Variants in MGAT4C observed in about 807,000 individuals in gnomAD.
MGAT4C encodes the protein alpha-1,3-mannosyl-glycoprotein 4-beta-N-acetylglucosaminyltransferase C.
MGAT4C carries 19 observed loss-of-function variants against 40.1 expected under a neutral mutation model. The observed-to-expected ratio is 0.47, with a 90% CI of 0.33 to 0.70. MGAT4C has a LOEUF of 0.70. MGAT4C is among the 30% of genes least tolerant of loss of function. MGAT4C has a pLI of 0.02. For missense variants in MGAT4C, 491 were observed against 563.2 expected, an observed-to-expected ratio of 0.87 and a Z score of 1.30; for synonymous variants, 181 against 187.1, an observed-to-expected ratio of 0.97 and a Z score of 0.27.
At chr12:86,445,283 T>G (rs1391560146) in intron 2 of MGAT4C, among the ~76,000 whole-genome samples, 1 of 152,190 alleles carries the variant, frequency 6.6e-6, no homozygotes, top group East Asian at 1.9e-4. Flanking sequence ...GGCAAAAATA[T>G]TTGTTCAAAA....
chr12:86,226,762 ACTC>A (rs1203874378), intron 1 of MGAT4C, among the ~76,000 whole-genome samples: 3 of 151,194 alleles, frequency 2.0e-5, no homozygotes, highest in African/African-American at 4.9e-5. Context: ...TTACAGTTGG[ACTC>A]CTCCTTTCTT....
At chr12:85,993,186 C>G (rs1380114685) in intron 2 of MGAT4C, among the ~76,000 whole-genome samples, 4 of 152,164 alleles carry the variant, frequency 2.6e-5, no homozygotes, top group Non-Finnish European at 4.4e-5. Flanking sequence ...ATTGAGCTCT[C>G]CTGGAAGGAT....
intron 1 of MGAT4C, among the ~76,000 whole-genome samples, chr12:86,232,533 C>T (rs1951364566): frequency 6.6e-6 from 1 of 152,144 alleles, no homozygotes; most frequent in Non-Finnish European, 1.5e-5. Context: ...TTCTCTCTCA[C>T]CTTCAGTAAT....
At chr12:86,237,975 A>G (rs1016229825) in intron 1 of MGAT4C, among the ~76,000 whole-genome samples, 2 of 152,004 alleles carry the variant, frequency 1.3e-5, no homozygotes, top group Non-Finnish European at 2.9e-5. Context: ...AATACATGGC[A>G]TTATTTTTGA....
intron 1 of MGAT4C, among the ~76,000 whole-genome samples, chr12:86,188,878 G>A (rs1889063475): frequency 6.6e-6 from 1 of 151,828 alleles, no homozygotes; most frequent in Non-Finnish European, 1.5e-5. Flanking sequence ...TATAAATTTA[G>A]TAAATGCTAC....
chr12:85,979,328 T>C lies in MGAT4C; in HGVS notation c.1398A>G (p.Glu466=), dbSNP rs778149917. 1.2e-6 allele frequency: 2 copies of C among 1,608,252 alleles called. No individual in the cohort carries two copies. The highest frequency in any genetic ancestry group is 1.7e-5 in the Admixed American group (1 of 59,514). Residue 466 remains glutamate (E), a synonymous_variant, in exon 5 of 5, where the codon GAA becomes GAG. Coordinates refer to ENST00000611864, the MANE Select transcript of MGAT4C (RefSeq NM_001351288.2). The stretch of plus-strand genomic sequence containing the variant: ...TGCTAATACTCCTAATAATTAGCCA[T>C]TCCTTTTGTGTTTTGGTGACATATA... ...MRIYVTKTQK[E]WLIIRSISIW... is the part of the protein sequence containing the mutation.
chr12:86,418,753 A>G (rs1205009853), intron 3 of MGAT4C, among the ~76,000 whole-genome samples: 1 of 152,094 alleles, frequency 6.6e-6, no homozygotes, highest in Non-Finnish European at 1.5e-5. Flanking sequence ...CAATAAGGAG[A>G]AACAAAGTTT....
chr12:86,382,359 G>A (rs536114386), intron 3 of MGAT4C, among the ~76,000 whole-genome samples: 1 of 152,312 alleles, frequency 6.6e-6, no homozygotes, highest in East Asian at 1.9e-4. Context: ...GTATCTGGCA[G>A]AAGAAATTTC....
intron 1 of MGAT4C, among the ~76,000 whole-genome samples, chr12:86,084,940 A>G (rs1164355681): frequency 6.6e-6 from 1 of 152,018 alleles, no homozygotes; most frequent in African/African-American, 2.4e-5. Flanking sequence ...AGTAACGAAA[A>G]TAGTAAGAGA....
intron 2 of MGAT4C, among the ~76,000 whole-genome samples, chr12:86,439,442 A>G (rs551381497): frequency 1.2e-3 from 177 of 152,194 alleles, no homozygotes; most frequent in Admixed American, 2.0e-3. Context: ...TAACAGTGAC[A>G]CAAGTTATCA....
intron 2 of MGAT4C, among the ~76,000 whole-genome samples, chr12:86,603,333 A>G (rs1272284855): frequency 7.3e-6 from 1 of 137,428 alleles, no homozygotes; most frequent in Admixed American, 7.9e-5. Flanking sequence ...AAAATTATAT[A>G]GTATAGTATA....
At chr12:86,128,027 G>A (rs555084846) in intron 1 of MGAT4C, among the ~76,000 whole-genome samples, 1 of 152,154 alleles carries the variant, frequency 6.6e-6, no homozygotes, top group Non-Finnish European at 1.5e-5. Flanking sequence ...GCATTATCAA[G>A]TATTCTGCAC....
intron 1 of MGAT4C, among the ~76,000 whole-genome samples, chr12:86,149,039 T>C (rs942657430): frequency 1.3e-5 from 2 of 152,182 alleles, no homozygotes; most frequent in African/African-American, 4.8e-5. Context: ...ACATTTTAAG[T>C]TCTTATTTCT....
intron 2 of MGAT4C, among the ~76,000 whole-genome samples, chr12:86,032,493 T>C (rs1276371704): frequency 2.0e-5 from 3 of 149,888 alleles, no homozygotes; most frequent in African/African-American, 7.3e-5. Context: ...GTGAGGTTGA[T>C]TTGCATTTCT....
At chr12:86,470,529 T>C (rs376046126) in intron 2 of MGAT4C, among the ~76,000 whole-genome samples, 1 of 151,836 alleles carries the variant, frequency 6.6e-6, no homozygotes, top group East Asian at 1.9e-4. Context: ...GAGAAATGAA[T>C]CTCTAATGTG....
At chr12:86,223,362 G>A (rs1277102606) in intron 1 of MGAT4C, among the ~76,000 whole-genome samples, 1 of 152,190 alleles carries the variant, frequency 6.6e-6, no homozygotes, top group Non-Finnish European at 1.5e-5. Context: ...CCTGGGGCTA[G>A]TGCAGATGCT....
intron 2 of MGAT4C, among the ~76,000 whole-genome samples, chr12:86,528,462 C>G (rs746416869): frequency 4.7e-4 from 71 of 151,950 alleles, no homozygotes; most frequent in Non-Finnish European, 8.5e-4. Flanking sequence ...TATCTTTCTT[C>G]TTCCTATGTA....
intron 1 of MGAT4C, among the ~76,000 whole-genome samples, chr12:86,190,759 T>C (rs1290713462): frequency 2.0e-5 from 3 of 152,100 alleles, no homozygotes; most frequent in African/African-American, 2.4e-5. Flanking sequence ...GATGTGAAGA[T>C]ATTTTGTAGA....
At chr12:86,059,067 CAG>C (rs769789586) in intron 1 of MGAT4C, among the ~76,000 whole-genome samples, 16 of 152,090 alleles carry the variant, frequency 1.1e-4, no homozygotes, top group African/African-American at 1.9e-4. Flanking sequence ...TTTTTCGAAA[CAG>C]AGTCTCACTT....
Sources: allele counts gnomAD v4.1 joint callset (sites outside exome capture counted in the v4.1 genomes callset), GRCh38; gene constraint gnomAD v4.1.1; transcripts MANE v1.5; gene names NCBI Gene and HGNC (gene_info 2026-07-23, HGNC 2026-07-21).